The following EPC2 variants were observed in gnomAD, a reference collection of about 807,000 sequenced individuals.
EPC2 encodes the protein enhancer of polycomb 2.
In EPC2, 14 loss-of-function variants were observed where a neutral mutation model predicts 92.1. That is an observed-to-expected ratio of 0.15 (90% CI 0.10 to 0.24). EPC2 has a LOEUF of 0.24. EPC2 is among the 10% of genes least tolerant of loss of function. The pLI is 1.00. For synonymous variants in EPC2, 340 were observed against 334.7 expected (o/e 1.02, Z -0.17); for missense variants, 755 against 971.5 (o/e 0.78, Z 2.96).
At chr2:148,740,166 C>T (rs1326685061) in intron 2 of EPC2, among the ~76,000 whole-genome samples, 1 of 150,576 alleles carries the variant, frequency 6.6e-6, no homozygotes, top group African/African-American at 2.4e-5. Context: ...TTAAAAGAAT[C>T]TCTTCTTATA....
chr2:148,696,733 A>T (rs535571358), intron 2 of EPC2, among the ~76,000 whole-genome samples: 25 of 152,158 alleles, frequency 1.6e-4, no homozygotes, highest in Non-Finnish European at 3.1e-4. Flanking sequence ...CCTTCAGCAT[A>T]TTCACCTAGC....
At chr2:148,781,131 TTATG>T (rs1683739183) in intron 10 of EPC2, among the ~76,000 whole-genome samples, 1 of 152,196 alleles carries the variant, frequency 6.6e-6, no homozygotes, top group African/African-American at 2.4e-5. Context: ...TGGTTTGTGG[TTATG>T]TTAGATGAAT....
At chr2:148,768,102 T>C (rs963414258) in intron 7 of EPC2, among the ~76,000 whole-genome samples, 3 of 152,160 alleles carry the variant, frequency 2.0e-5, no homozygotes, top group Non-Finnish European at 4.4e-5. Flanking sequence ...TACCACAGTT[T>C]GGAAATAATA....
In EPC2 at chr2:148,786,454, CTGTGGAT is replaced by C; in HGVS notation, c.*78_*84del. 8.7e-7 allele frequency: 1 copy of C among 1,147,866 alleles called. No individual in the cohort carries two copies. Among genetic ancestry groups the C allele is most frequent in the South Asian group, 1.3e-5 (1 of 75,338 alleles). The allele number at this position is 1,147,866 out of a possible 1,614,324, so 71.1% of individuals were successfully genotyped here. A position where few individuals can be genotyped will look rare whatever the true frequency, so the allele number is the denominator to read the frequency against. ...CCAGCTGAATGCAAAAGGCAACACT[CTGTGGAT>C]CACAGAGTGTAACAATGGACCTAAA... On this transcript the variant is annotated 3_prime_UTR_variant, in exon 14 of 14. Coordinates refer to ENST00000258484, the MANE Select transcript of EPC2 (RefSeq NM_015630.4).
chr2:148,706,094 A>G (rs1055396131), intron 2 of EPC2, among the ~76,000 whole-genome samples: 1 of 152,184 alleles, frequency 6.6e-6, no homozygotes, highest in Non-Finnish European at 1.5e-5. Flanking sequence ...AAGGAAGCTA[A>G]AAACCTTGAA....
At chr2:148,751,220 A>G (rs1268670167) in intron 3 of EPC2, among the ~76,000 whole-genome samples, 2 of 152,180 alleles carry the variant, frequency 1.3e-5, no homozygotes, top group African/African-American at 2.4e-5. Context: ...ATTAGAATAC[A>G]TTAATTTTTA....
intron 1 of EPC2, among the ~76,000 whole-genome samples, chr2:148,646,706 A>C (rs1300253611): frequency 1.3e-5 from 2 of 152,124 alleles, no homozygotes; most frequent in Non-Finnish European, 2.9e-5. Context: ...CCTAATAAGC[A>C]CAACTTTGGA....
chr2:148,717,616 T>G (rs1320448104), intron 2 of EPC2, among the ~76,000 whole-genome samples: 5 of 152,216 alleles, frequency 3.3e-5, no homozygotes, highest in Admixed American at 2.0e-4. Context: ...CAGACTTTGT[T>G]ATTATTTCAG....
At chr2:148,682,522 T>G (rs1681419737) in intron 1 of EPC2, among the ~76,000 whole-genome samples, 1 of 152,208 alleles carries the variant, frequency 6.6e-6, no homozygotes, top group South Asian at 2.1e-4. Flanking sequence ...ACTAAATATG[T>G]TTTGAAAACT....
At chr2:148,674,146 A>G (rs1681209322) in intron 1 of EPC2, among the ~76,000 whole-genome samples, 1 of 152,188 alleles carries the variant, frequency 6.6e-6, no homozygotes, top group Admixed American at 6.5e-5. Flanking sequence ...AGATCAGTCC[A>G]GCTAGAGATT....
intron 2 of EPC2, among the ~76,000 whole-genome samples, chr2:148,706,058 T>C (rs1681992380): frequency 6.6e-6 from 1 of 152,108 alleles, no homozygotes; most frequent in African/African-American, 2.4e-5. Context: ...TTCCTCAAGC[T>C]AAAGGAAGAT....
chr2:148,661,343 G>A (rs966631544), intron 1 of EPC2, among the ~76,000 whole-genome samples: 2 of 152,018 alleles, frequency 1.3e-5, no homozygotes, highest in African/African-American at 4.8e-5. Flanking sequence ...CTTATAACTT[G>A]TTAAAGCTGT....
At chr2:148,648,058 T>C (rs1387057821) in intron 1 of EPC2, among the ~76,000 whole-genome samples, 1 of 152,242 alleles carries the variant, frequency 6.6e-6, no homozygotes, top group Non-Finnish European at 1.5e-5. Context: ...GAAATCCAAA[T>C]TCTGATAAAA....
At chr2:148,657,706 C>T (rs1026694033) in intron 1 of EPC2, among the ~76,000 whole-genome samples, 2 of 151,952 alleles carry the variant, frequency 1.3e-5, no homozygotes, top group Non-Finnish European at 2.9e-5. Flanking sequence ...AACCAAATCA[C>T]AAGTTAGGGG....
intron 2 of EPC2, among the ~76,000 whole-genome samples, chr2:148,696,922 A>T (rs952568503): frequency 2.0e-5 from 3 of 152,216 alleles, no homozygotes; most frequent in Admixed American, 2.0e-4. Context: ...TTATTTCTTG[A>T]AAATTTTAAA....
At chr2:148,703,239 T>G (rs1285271002) in intron 2 of EPC2, among the ~76,000 whole-genome samples, 1 of 152,182 alleles carries the variant, frequency 6.6e-6, no homozygotes, top group Non-Finnish European at 1.5e-5. Flanking sequence ...TAGCCATTAA[T>G]CCTTACTCAG....
intron 2 of EPC2, among the ~76,000 whole-genome samples, chr2:148,708,387 G>A (rs1309760446): frequency 2.0e-5 from 3 of 152,148 alleles, no homozygotes; most frequent in Non-Finnish European, 2.9e-5. Flanking sequence ...ATGACCAGAC[G>A]GATTCACGGC....
intron 10 of EPC2, 84 bp downstream of exon 10, chr2:148,771,471 T>G (rs1480600560): frequency 7.7e-7 from 1 of 1,298,742 alleles, no homozygotes; most frequent in Non-Finnish European, 1.1e-6. Context: ...CTTAACCTAC[T>G]TAATTTTTTT....
chr2:148,724,782 CTG>C (rs1286443089), intron 2 of EPC2, among the ~76,000 whole-genome samples: 1 of 151,976 alleles, frequency 6.6e-6, no homozygotes, highest in Admixed American at 6.6e-5. Context: ...GAAGCAGGAA[CTG>C]TTGATAGAGA....
Sources: gnomAD v4.1 joint callset for allele counts (sites outside exome capture counted in the v4.1 genomes callset) on GRCh38, gnomAD v4.1.1 for gene constraint, MANE v1.5 for transcripts, NCBI Gene and HGNC (gene_info 2026-07-23, HGNC 2026-07-21) for gene names.